The following DDR2 variants were observed in gnomAD, a reference collection of about 807,000 sequenced individuals.
The protein encoded by DDR2 is discoidin domain receptor tyrosine kinase 2.
In DDR2, 27 loss-of-function variants were observed where a neutral mutation model predicts 94.9. That is an observed-to-expected ratio of 0.28 (90% CI 0.21 to 0.39). The LOEUF is 0.39. Ranked by LOEUF, DDR2 falls within the 10% of genes least tolerant of loss-of-function variation. DDR2 has a pLI of 1.00. For synonymous variants in DDR2, 382 were observed against 377.2 expected (o/e 1.01, Z -0.15); for missense variants, 783 against 1,076.0 (o/e 0.73, Z 3.81).
At chr1:162,685,453 A>G (rs1156750327) in intron 2 of DDR2, among the ~76,000 whole-genome samples, 5 of 152,196 alleles carry the variant, frequency 3.3e-5, no homozygotes, top group Non-Finnish European at 5.9e-5. Flanking sequence ...AGTGATTTAC[A>G]AACTAGCTTT....
chr1:162,688,533 C>T (rs1387121912), intron 2 of DDR2, among the ~76,000 whole-genome samples: 1 of 152,246 alleles, frequency 6.6e-6, no homozygotes, highest in Non-Finnish European at 1.5e-5. Flanking sequence ...GGAGCCTAAG[C>T]TCTTAACCAC....
intron 16 of DDR2, among the ~76,000 whole-genome samples, 195 bp downstream of exon 16, chr1:162,776,565 A>T (rs1396304581): frequency 6.6e-6 from 1 of 152,224 alleles, no homozygotes; most frequent in African/African-American, 2.4e-5. Flanking sequence ...AAATTAACAC[A>T]CATAAAAATT....
chr1:162,710,634 G>A (rs899990317), intron 2 of DDR2, among the ~76,000 whole-genome samples: 1 of 152,046 alleles, frequency 6.6e-6, no homozygotes, highest in Non-Finnish European at 1.5e-5. Context: ...CAGCAGAGAG[G>A]AAAAACAAGA....
intron 2 of DDR2, among the ~76,000 whole-genome samples, chr1:162,700,297 G>C (rs1445522864): frequency 6.6e-6 from 1 of 152,154 alleles, no homozygotes; most frequent in East Asian, 1.9e-4. Context: ...ATCAGCCTTG[G>C]ATCCTACCCA....
intron 2 of DDR2, among the ~76,000 whole-genome samples, chr1:162,716,746 A>T (rs1425327732): frequency 9.3e-5 from 14 of 149,912 alleles, no homozygotes; most frequent in African/African-American, 3.2e-4. Flanking sequence ...TGTCAGTATT[A>T]TACTGCTTAG....
At chr1:162,718,733 A>G (rs552482329) in intron 2 of DDR2, among the ~76,000 whole-genome samples, 5 of 152,228 alleles carry the variant, frequency 3.3e-5, no homozygotes, top group Non-Finnish European at 1.5e-5. Flanking sequence ...GTTTTACTTT[A>G]CCATTATTCA....
intron 2 of DDR2, among the ~76,000 whole-genome samples, chr1:162,666,860 C>A (rs1284191786): frequency 6.6e-6 from 1 of 150,590 alleles, no homozygotes; most frequent in African/African-American, 2.4e-5. Flanking sequence ...TGATGTTTAT[C>A]CTTCTTGACA....
At chr1:162,639,950 G>T (rs1159124189) in intron 1 of DDR2, among the ~76,000 whole-genome samples, 1 of 152,108 alleles carries the variant, frequency 6.6e-6, no homozygotes, top group East Asian at 1.9e-4. Flanking sequence ...TTACTACAAT[G>T]GTGGATGTAT....
intron 2 of DDR2, among the ~76,000 whole-genome samples, chr1:162,687,740 C>T (rs1436073811): frequency 3.3e-5 from 5 of 152,078 alleles, no homozygotes; most frequent in African/African-American, 1.2e-4. Context: ...AGGTTGGGGA[C>T]GGAGAGAAGA....
At chr1:162,675,383 A>T (rs1659078694) in intron 2 of DDR2, among the ~76,000 whole-genome samples, 1 of 152,122 alleles carries the variant, frequency 6.6e-6, no homozygotes, top group African/African-American at 2.4e-5. Context: ...ACATGTGCTC[A>T]ATTCTGTGAG....
At chr1:162,691,121 A>G (rs977396380) in intron 2 of DDR2, among the ~76,000 whole-genome samples, 3 of 152,200 alleles carry the variant, frequency 2.0e-5, no homozygotes, top group Admixed American at 6.5e-5. Context: ...TGCCTGACAC[A>G]GCGGGCCCAC....
At position 162,635,589 on chromosome 1, in the gene DDR2, G is replaced by T. The variant is rs115015943; in HGVS notation, c.-192+2958G>T. On this transcript the variant is annotated intron_variant, in intron 1 of 17. Transcript: ENST00000367921. ...CTTTATACCTCTTGCCCTGTTTGAA[G>T]CTGTGCAACATATGAATTGATCGAC... is the stretch of plus-strand genomic sequence containing the variant. Among the ~76,000 whole-genome samples the T allele has an allele frequency of 7.3e-3, 1,109 of 152,284 alleles. 20 individuals are homozygous for T. The highest frequency in any genetic ancestry group is 0.025 in the African/African-American group (1,054 of 41,570).
At chr1:162,758,297 C>G (rs950006899) in intron 7 of DDR2, among the ~76,000 whole-genome samples, 4 of 152,066 alleles carry the variant, frequency 2.6e-5, no homozygotes, top group Non-Finnish European at 4.4e-5. Context: ...ACATCAGAGT[C>G]TCAGGAAATA....
At chr1:162,658,289 G>A (rs754607522) in intron 2 of DDR2, among the ~76,000 whole-genome samples, 1 of 152,132 alleles carries the variant, frequency 6.6e-6, no homozygotes, top group Non-Finnish European at 1.5e-5. Context: ...TGAGGATGGC[G>A]GTCTGGCTGT....
At chr1:162,630,934 AGT>A, upstream of DDR2, among the ~76,000 whole-genome samples, 1 of 152,170 alleles carries the variant, frequency 6.6e-6, no homozygotes. Context: ...TGATCTCTGC[AGT>A]GTCTTTTCTC....
chr1:162,657,251 GT>G (rs1334924369), intron 2 of DDR2, among the ~76,000 whole-genome samples: 3 of 152,046 alleles, frequency 2.0e-5, no homozygotes, highest in African/African-American at 7.2e-5. Flanking sequence ...CACCCCCACT[GT>G]CATATTATCC....
intron 1 of DDR2, among the ~76,000 whole-genome samples, chr1:162,650,232 C>T (rs1049980633): frequency 6.6e-6 from 1 of 152,084 alleles, no homozygotes; most frequent in East Asian, 1.9e-4. Context: ...AACCAAATTA[C>T]TTATGTTTCA....
intron 2 of DDR2, among the ~76,000 whole-genome samples, chr1:162,667,789 C>T (rs1658657053): frequency 6.6e-6 from 1 of 152,208 alleles, no homozygotes; most frequent in South Asian, 2.1e-4. Flanking sequence ...CCCTCTCCCT[C>T]AAGGGAAGTG....
chr1:162,661,078 C>G (rs994482846), intron 2 of DDR2, among the ~76,000 whole-genome samples: 7 of 152,192 alleles, frequency 4.6e-5, no homozygotes, highest in African/African-American at 1.2e-4. Context: ...AGAAGCTGAA[C>G]CATAAACCGT....
Sources: allele counts gnomAD v4.1 joint callset (sites outside exome capture counted in the v4.1 genomes callset), GRCh38; gene constraint gnomAD v4.1.1; transcripts MANE v1.5; gene names NCBI Gene and HGNC (gene_info 2026-07-23, HGNC 2026-07-21).